PPARGC1B: variants seen among roughly 807,000 people sequenced by gnomAD.
PPARGC1B encodes peroxisome proliferator-activated receptor gamma coactivator 1-beta.
In PPARGC1B, 34 loss-of-function variants were observed where a neutral mutation model predicts 101.6. The observed-to-expected ratio is 0.33, with a 90% confidence interval of 0.25 to 0.45. The LOEUF is 0.45. Ranked by LOEUF, PPARGC1B falls within the 20% of genes least tolerant of loss-of-function variation. The pLI is 1.00. For missense variants in PPARGC1B, 1,234 were observed against 1,317.6 expected, an observed-to-expected ratio of 0.94 and a Z score of 0.98; for synonymous variants, 548 against 539.3, an observed-to-expected ratio of 1.02 and a Z score of -0.22.
At chr5:149,845,954 A>G (rs1561640203) in intron 11 of PPARGC1B, 40 bp downstream of exon 11, 2 of 1,613,482 alleles carry the variant, frequency 1.2e-6, no homozygotes, top group Non-Finnish European at 1.7e-6. Context: ...GTAAGACTCA[A>G]AGCTTGGGAA....
intron 1 of PPARGC1B, among the ~76,000 whole-genome samples, chr5:149,818,396 A>G (rs1758140598): frequency 6.6e-6 from 1 of 152,168 alleles, no homozygotes; most frequent in Non-Finnish European, 1.5e-5. Flanking sequence ...GGTGGTGGGC[A>G]GGGTGGTGGG....
In PPARGC1B at chr5:149,755,052, C is replaced by CATATACATATAT. The variant is rs1360005539; in HGVS notation, c.78+24637_78+24638insCATATATATATA. Among the ~76,000 whole-genome samples, 240 of 108,920 alleles carry CATATACATATAT rather than the reference C, an allele frequency of 2.2e-3. 1 individual carries two copies. The highest frequency in any genetic ancestry group is 8.5e-3 in the African/African-American group (225 of 26,584). The allele number at this position is 108,920 out of a possible 152,430, so 71.5% of individuals were successfully genotyped here. A position where few individuals can be genotyped will look rare whatever the true frequency, so the allele number is the denominator to read the frequency against. On this transcript the variant is annotated intron_variant, in intron 1 of 11. Transcript: ENST00000309241. ...TACACTACATATACATATACATATA[C>CATATACATATAT]ATATATATATATATATATATAATTT...
intron 1 of PPARGC1B, among the ~76,000 whole-genome samples, chr5:149,797,782 G>A (rs1245751927): frequency 6.6e-6 from 1 of 152,110 alleles, no homozygotes; most frequent in Non-Finnish European, 1.5e-5. Flanking sequence ...TTAGCTGGGT[G>A]TGGTGGCGTG....
chr5:149,755,999 G>T (rs1028440516), intron 1 of PPARGC1B, among the ~76,000 whole-genome samples: 1 of 152,144 alleles, frequency 6.6e-6, no homozygotes, highest in African/African-American at 2.4e-5. Context: ...AGCAGTCAGG[G>T]TTCAAGACCT....
intron 1 of PPARGC1B, among the ~76,000 whole-genome samples, chr5:149,754,378 C>A (rs1755429894): frequency 6.6e-6 from 1 of 152,186 alleles, no homozygotes; most frequent in Non-Finnish European, 1.5e-5. Flanking sequence ...GGGTCCAGAC[C>A]TGACTGCCTA....
intron 1 of PPARGC1B, among the ~76,000 whole-genome samples, chr5:149,795,904 C>A (rs1757197422): frequency 6.6e-6 from 1 of 152,096 alleles, no homozygotes; most frequent in African/African-American, 2.4e-5. Context: ...TCAGTTTCCT[C>A]CTCTGTAAAT....
In PPARGC1B at chr5:149,850,430, A is replaced by G. The variant is rs1329809294; in HGVS notation, c.*2872A>G. On this transcript the variant is annotated 3_prime_UTR_variant, in exon 12 of 12. Transcript: ENST00000309241. Reference sequence around the variant, plus strand: ...ACATGACATACCTAAAGTCAGGGCTAGGGGACGCTGCCTGCCAAGGGCATC... The same window carrying G: ...ACATGACATACCTAAAGTCAGGGCTGGGGGACGCTGCCTGCCAAGGGCATC... 6.6e-6 allele frequency: 1 copy of G among 152,212 alleles called. No individual in the cohort carries two copies. The highest frequency in any genetic ancestry group is 2.4e-5 in the African/African-American group (1 of 41,448). 9.4% of individuals were successfully genotyped at this position (152,212 alleles called of 1,614,324 possible).
chr5:149,831,443 A>T (rs1375721981), intron 4 of PPARGC1B, among the ~76,000 whole-genome samples: 1 of 152,098 alleles, frequency 6.6e-6, no homozygotes, highest in African/African-American at 2.4e-5. Flanking sequence ...TCTCCTGGGA[A>T]CTGTTGCATC....
chr5:149,762,758 T>A (rs143769945), intron 1 of PPARGC1B, among the ~76,000 whole-genome samples: 1 of 152,144 alleles, frequency 6.6e-6, no homozygotes, highest in Non-Finnish European at 1.5e-5. Flanking sequence ...ACTTTTATCC[T>A]CTAGTTCTCC....
At chr5:149,843,449 A>C (rs1490420436) in intron 10 of PPARGC1B, among the ~76,000 whole-genome samples, 1 of 152,242 alleles carries the variant, frequency 6.6e-6, no homozygotes, top group South Asian at 2.1e-4. Context: ...GTTATTATAT[A>C]CTTCTTGCCC....
chr5:149,780,366 A>G (rs1430195148), intron 1 of PPARGC1B, among the ~76,000 whole-genome samples: 1 of 152,188 alleles, frequency 6.6e-6, no homozygotes, highest in Non-Finnish European at 1.5e-5. Flanking sequence ...TCAAGCCTTA[A>G]CTAATGTTTA....
intron 1 of PPARGC1B, among the ~76,000 whole-genome samples, chr5:149,812,371 C>G (rs944197422): frequency 8.5e-5 from 13 of 152,228 alleles, no homozygotes; most frequent in African/African-American, 3.1e-4. Flanking sequence ...ACTCTCCCCA[C>G]TCTTCTCCTG....
chr5:149,817,461 A>C (rs1758103173), intron 1 of PPARGC1B, among the ~76,000 whole-genome samples: 1 of 152,228 alleles, frequency 6.6e-6, no homozygotes, highest in Non-Finnish European at 1.5e-5. Context: ...TAGCCTGGGC[A>C]ACAGAGCAGG....
chr5:149,753,542 T>A (rs1341893590), intron 1 of PPARGC1B, among the ~76,000 whole-genome samples: 3 of 152,002 alleles, frequency 2.0e-5, no homozygotes, highest in African/African-American at 7.2e-5. Flanking sequence ...TTAAAAAAAT[T>A]TTTTTTAACC....
chr5:149,788,369 G>A (rs1019113412), intron 1 of PPARGC1B, among the ~76,000 whole-genome samples: 1 of 152,114 alleles, frequency 6.6e-6, no homozygotes, highest in African/African-American at 2.4e-5. Context: ...ATCAAAACCA[G>A]AATGAGATAC....
At chr5:149,800,504 C>T (rs1757397025) in intron 1 of PPARGC1B, among the ~76,000 whole-genome samples, 1 of 152,260 alleles carries the variant, frequency 6.6e-6, no homozygotes, top group South Asian at 2.1e-4. Flanking sequence ...CCAGTTTCAG[C>T]ACTCTCTAGC....
intron 2 of PPARGC1B, among the ~76,000 whole-genome samples, chr5:149,825,234 G>T (rs1345632517): frequency 6.6e-6 from 1 of 152,244 alleles, no homozygotes; most frequent in Non-Finnish European, 1.5e-5. Context: ...TGTGCATGGG[G>T]CACTCTTGCT....
chr5:149,809,175 CATAGATAGATAGATAG>C (rs1170949360), intron 1 of PPARGC1B, among the ~76,000 whole-genome samples: 3 of 42,950 alleles, frequency 7.0e-5, no homozygotes, highest in South Asian at 9.2e-4. Context: ...CCATCTCTAC[CATAGATAGATAGATAG>C]ATAGATAGAT....
intron 1 of PPARGC1B, among the ~76,000 whole-genome samples, chr5:149,774,833 A>G (rs1756291816): frequency 6.6e-6 from 1 of 152,048 alleles, no homozygotes; most frequent in Non-Finnish European, 1.5e-5. Context: ...GGATCCACTC[A>G]TGGGAGTCAT....
Sources: allele counts gnomAD v4.1 joint callset (sites outside exome capture counted in the v4.1 genomes callset), GRCh38; gene constraint gnomAD v4.1.1; transcripts MANE v1.5; gene names NCBI Gene and HGNC (gene_info 2026-07-23, HGNC 2026-07-21).